NEGR1: variants seen among roughly 807,000 people sequenced by gnomAD.
NEGR1 encodes the protein neuronal growth regulator 1.
A neutral mutation model predicts 40.9 loss-of-function variants in NEGR1; 10 were observed. The observed-to-expected ratio is 0.24, with a 90% CI of 0.15 to 0.42. The LOEUF is 0.42. NEGR1 is among the 10% of genes least tolerant of loss of function. The pLI is 1.00. For synonymous variants in NEGR1, 185 were observed against 166.8 expected, an observed-to-expected ratio of 1.11 and a Z score of -0.84; for missense variants, 352 against 438.9, an observed-to-expected ratio of 0.80 and a Z score of 1.77.
intron 1 of NEGR1, among the ~76,000 whole-genome samples, chr1:72,057,070 A>G (rs955517069): frequency 2.0e-5 from 3 of 151,478 alleles, no homozygotes; most frequent in Non-Finnish European, 4.4e-5. Flanking sequence ...CTTTCCCACA[A>G]CTGCTGAGAG....
At chr1:71,614,339 T>G (rs533819758) in intron 4 of NEGR1, among the ~76,000 whole-genome samples, 17 of 152,162 alleles carry the variant, frequency 1.1e-4, no homozygotes, top group African/African-American at 3.9e-4. Context: ...TTTATCTATA[T>G]ATGGGTGTAT....
At chr1:71,568,043 C>T (rs1316921387) in intron 6 of NEGR1, among the ~76,000 whole-genome samples, 2 of 152,088 alleles carry the variant, frequency 1.3e-5, no homozygotes, top group Admixed American at 1.3e-4. Flanking sequence ...GCAGCCCAAA[C>T]TAAGACAATC....
At chr1:71,596,791 A>T (rs563851269) in intron 5 of NEGR1, among the ~76,000 whole-genome samples, 1 of 152,372 alleles carries the variant, frequency 6.6e-6, no homozygotes, top group South Asian at 2.1e-4. Flanking sequence ...AGATGAAAAC[A>T]GCCTCAGAAA....
intron 6 of NEGR1, among the ~76,000 whole-genome samples, chr1:71,474,281 ATGTGTG>A (rs112956217): frequency 1.6e-3 from 232 of 143,642 alleles, no homozygotes; most frequent in Middle Eastern, 3.6e-3. Context: ...AAACAGGAAA[ATGTGTG>A]TGTGTGTGTG....
intron 1 of NEGR1, among the ~76,000 whole-genome samples, chr1:72,182,649 G>T (rs1189405970): frequency 1.3e-5 from 2 of 151,636 alleles, no homozygotes; most frequent in Admixed American, 1.3e-4. Context: ...CTTAAACCTG[G>T]CTTTATAAGG....
At chr1:71,926,635 G>A (rs1645776569) in intron 2 of NEGR1, among the ~76,000 whole-genome samples, 1 of 121,490 alleles carries the variant, frequency 8.2e-6, no homozygotes, top group Non-Finnish European at 1.7e-5. Flanking sequence ...ACAATGTGTG[G>A]TGGCTATCAA....
chr1:71,939,445 A>G (rs963872160), intron 1 of NEGR1, among the ~76,000 whole-genome samples: 1 of 152,200 alleles, frequency 6.6e-6, no homozygotes, highest in African/African-American at 2.4e-5. Flanking sequence ...GAAGGTAAAA[A>G]TTAGGAAAAT....
At chr1:71,700,165 T>C (rs558357682) in intron 3 of NEGR1, among the ~76,000 whole-genome samples, 1 of 152,006 alleles carries the variant, frequency 6.6e-6, no homozygotes, top group Non-Finnish European at 1.5e-5. Context: ...CTTTTTAAAT[T>C]TTTATTATTA....
intron 1 of NEGR1, among the ~76,000 whole-genome samples, chr1:71,947,808 TA>T (rs1439927287): frequency 2.0e-5 from 3 of 151,992 alleles, no homozygotes; most frequent in African/African-American, 7.3e-5. Flanking sequence ...TAATGATCAA[TA>T]AATTTCTTAG....
intron 6 of NEGR1, among the ~76,000 whole-genome samples, chr1:71,421,631 T>C (rs1044601450): frequency 5.3e-5 from 8 of 152,090 alleles, no homozygotes; most frequent in Non-Finnish European, 1.2e-4. Flanking sequence ...TTCACTTATA[T>C]TCACAATTAA....
At chr1:72,262,803 A>G (rs917518947) in intron 1 of NEGR1, among the ~76,000 whole-genome samples, 4 of 151,378 alleles carry the variant, frequency 2.6e-5, no homozygotes, top group Non-Finnish European at 3.0e-5. Context: ...AATCTCTTAT[A>G]AAAAAAATCT....
chr1:72,174,616 T>C (rs1234031416), intron 1 of NEGR1, among the ~76,000 whole-genome samples: 1 of 152,166 alleles, frequency 6.6e-6, no homozygotes, highest in Non-Finnish European at 1.5e-5. Flanking sequence ...GATTCACTGA[T>C]ATTCATCAAG....
chr1:71,822,983 A>G (rs1353763240), intron 2 of NEGR1, among the ~76,000 whole-genome samples: 1 of 151,984 alleles, frequency 6.6e-6, no homozygotes, highest in Non-Finnish European at 1.5e-5. Context: ...ATCCTCCAAA[A>G]TCTAGAACAT....
At chr1:71,875,137 G>A (rs952499740) in intron 2 of NEGR1, among the ~76,000 whole-genome samples, 2 of 152,110 alleles carry the variant, frequency 1.3e-5, no homozygotes, top group African/African-American at 4.8e-5. Context: ...TTCAGCCACT[G>A]TGCCTGGCCA....
Position 72,254,498 on chromosome 1 carries a change from C to T in NEGR1, c.176+27821G>A, listed in dbSNP as rs186136550. Reference sequence around the variant, plus strand: ...CGGGCGGATCACGAGGTCAGGATATCGTGACCATCCTGACTAACACGATGA... The same window carrying T: ...CGGGCGGATCACGAGGTCAGGATATTGTGACCATCCTGACTAACACGATGA... On this transcript the variant is annotated intron_variant, in intron 1 of 6. Coordinates refer to ENST00000357731, the MANE Select transcript of NEGR1 (RefSeq NM_173808.3). Among the ~76,000 whole-genome samples the T allele has an allele frequency of 1.6e-3, 239 of 152,008 alleles. 1 individual carries two copies. The highest frequency in any genetic ancestry group is 0.014 in the Admixed American group (216 of 15,256).
At chr1:71,936,895 C>CA (rs1359667768) in intron 1 of NEGR1, among the ~76,000 whole-genome samples, 1 of 152,184 alleles carries the variant, frequency 6.6e-6, no homozygotes, top group African/African-American at 2.4e-5. Flanking sequence ...AATTCTGTTT[C>CA]ATCTTGAAAA....
intron 1 of NEGR1, among the ~76,000 whole-genome samples, chr1:72,136,709 A>T (rs1213728325): frequency 6.6e-6 from 1 of 151,958 alleles, no homozygotes; most frequent in South Asian, 2.1e-4. Flanking sequence ...TGACTAAAAT[A>T]CCAAAAGCAA....
chr1:71,852,276 A>G (rs1570432038), intron 2 of NEGR1, among the ~76,000 whole-genome samples: 1 of 152,110 alleles, frequency 6.6e-6, no homozygotes, highest in Non-Finnish European at 1.5e-5. Context: ...AACTCTATAG[A>G]CCAGAGTTGA....
At position 71,825,371 on chromosome 1, in the gene NEGR1, T is replaced by TA. The variant is rs200321874; in HGVS notation, c.410-49075dup. On this transcript the variant is annotated intron_variant, in intron 2 of 6. Transcript: ENST00000357731. The stretch of plus-strand genomic sequence containing the variant: ...TTTTACAACTCATCTGTGTAGTTTT[T>TA]AAAATCTCTGCATGCTTTGGTCCCA... Among the ~76,000 whole-genome samples the TA allele has an allele frequency of 6.7e-4, 102 of 152,060 alleles. 1 individual carries two copies. In the East Asian group the frequency reaches 0.018, roughly 27 times the overall value.
Sources: allele counts gnomAD v4.1 joint callset (sites outside exome capture counted in the v4.1 genomes callset), GRCh38; gene constraint gnomAD v4.1.1; transcripts MANE v1.5; gene names NCBI Gene and HGNC (gene_info 2026-07-23, HGNC 2026-07-21).